STAT4: variants seen among roughly 807,000 people sequenced by gnomAD.
STAT4 encodes the protein signal transducer and activator of transcription 4.
STAT4 carries 42 observed loss-of-function variants against 110.5 expected under a neutral mutation model. The ratio of observed to expected loss-of-function variants is 0.38; its 90% CI spans 0.30 to 0.49. The LOEUF is 0.49. Among genes scored for constraint, STAT4 ranks in the 20% least tolerant of loss-of-function variants. The pLI is 0.95. For synonymous variants in STAT4, 284 were observed against 302.2 expected (o/e 0.94, Z 0.63); for missense variants, 632 against 887.9 (o/e 0.71, Z 3.66).
rs1697641027 is a variant in STAT4, at chr2:191,086,540, A to G, written c.274-10215T>C. Among the ~76,000 whole-genome samples, 1 of 152,190 alleles carries G rather than the reference A, an allele frequency of 6.6e-6. No homozygotes were observed. The highest frequency in any genetic ancestry group is 2.4e-5 in the African/African-American group (1 of 41,448). On this transcript the variant is annotated intron_variant, in intron 3 of 23. Transcript: ENST00000392320. This position sits in a 1 kb window ranked among gnomAD's most constrained non-coding sequence, Gnocchi z 5.5. ...TTAAACTAAAACTTACTGTGCAAAT[A>G]AATTACTCCTGCTATGATGTTGTCT...
Position 191,030,876 on chromosome 2 carries a change from C to T in STAT4, c.2220+96G>A. 8.9e-7 allele frequency: 1 copy of T among 1,121,352 alleles called. No individual in the cohort carries two copies. The highest frequency in any genetic ancestry group is 1.3e-6 in the Non-Finnish European group (1 of 747,474). The allele number at this position is 1,121,352 out of a possible 1,614,324, so 69.5% of individuals were successfully genotyped here. ...TTTGTTCCAATAAATGTGTTTTCTC[C>T]CTACCCAGGCAGTATTTCAGCCCCT... is the stretch of plus-strand genomic sequence containing the variant. On this transcript the variant is annotated intron_variant, in intron 23 of 23. Transcript: ENST00000392320. This position sits in a 1 kb window ranked among gnomAD's most constrained non-coding sequence, Gnocchi z 4.4.
At chr2:191,125,286 C>T (rs550300954) in intron 3 of STAT4, among the ~76,000 whole-genome samples, 42 of 152,036 alleles carry the variant, frequency 2.8e-4, no homozygotes, top group Non-Finnish European at 4.1e-4. Context: ...CAGGCATTTA[C>T]GAGGTTCTCA....
chr2:191,074,582 C>A (rs1032054934), intron 4 of STAT4, among the ~76,000 whole-genome samples: 1 of 152,092 alleles, frequency 6.6e-6, no homozygotes, highest in Non-Finnish European at 1.5e-5. Context: ...CTCTCTCACA[C>A]ACACACGTGC....
rs774960386 is a variant in STAT4, at chr2:191,083,515, G to T, written c.274-7190C>A. Among the ~76,000 whole-genome samples the T allele has an allele frequency of 1.3e-5, 2 of 152,166 alleles. No individual in the cohort carries two copies. Among genetic ancestry groups the T allele is most frequent in the Non-Finnish European group, 2.9e-5 (2 of 68,026 alleles). On this transcript the variant is annotated intron_variant, in intron 3 of 23. Transcript: ENST00000392320. The surrounding 1 kb of genome is among the most constrained non-coding windows in gnomAD (Gnocchi z 4.6). Reference sequence around the variant, plus strand: ...AGCTCTTCTCCTAACCCCAATTTGAGAACTTTTTGACTTCTCATTTTTTTA... The same window carrying T: ...AGCTCTTCTCCTAACCCCAATTTGATAACTTTTTGACTTCTCATTTTTTTA...
At chr2:191,134,621 A>G (rs1699128912) in intron 3 of STAT4, among the ~76,000 whole-genome samples, 1 of 152,206 alleles carries the variant, frequency 6.6e-6, no homozygotes, top group Non-Finnish European at 1.5e-5. Context: ...CAGAGACTAC[A>G]CTACTGTACA....
In STAT4 at chr2:191,113,559, A is replaced by G. The variant is rs955141511; in HGVS notation, c.273+33054T>C. Among the ~76,000 whole-genome samples, 1 of 152,238 alleles carries G rather than the reference A, an allele frequency of 6.6e-6. No homozygotes were observed. Among genetic ancestry groups the G allele is most frequent in the African/African-American group, 2.4e-5 (1 of 41,468 alleles). ...AGGCTGAATTGGTTTAAGAGATTCA[A>G]GGAAACTTTTGGCTTCACAGGGAGA... On this transcript the variant is annotated intron_variant, in intron 3 of 23. Transcript: ENST00000392320. The surrounding 1 kb of genome is among the most constrained non-coding windows in gnomAD (Gnocchi z 4.8).
At chr2:191,048,382 A>AC (rs1209957497) in intron 14 of STAT4, among the ~76,000 whole-genome samples, 3 of 152,196 alleles carry the variant, frequency 2.0e-5, no homozygotes, top group Admixed American at 2.0e-4. Context: ...TGACTGTCAT[A>AC]GTCTTCATTA....
At position 191,034,591 on chromosome 2, in the gene STAT4, G is replaced by T. The variant is rs1259577677; in HGVS notation, c.1577C>A (p.Ser526Tyr). ...HMLAEKLTVQSSYSDGHLTWA... is the reference protein window; with the variant it reads ...HMLAEKLTVQYSYSDGHLTWA... Reference sequence around the variant, plus strand: ...GGTGAGGTGACCATCACTGTAGCTAGATTGGACTGAAATGAAAGAAAAGAA... The same window carrying T: ...GGTGAGGTGACCATCACTGTAGCTATATTGGACTGAAATGAAAGAAAAGAA... Residue 526 changes from serine to tyrosine, a missense_variant, in exon 18 of 24, where the codon TCT becomes TAT. Around this residue, in one of 4 missense-constraint regions of STAT4, gnomAD observed 488 missense variants for 632.8 expected, o/e 0.77. Transcript: ENST00000392320. The T allele has an allele frequency of 6.2e-7, 1 of 1,612,654 alleles. No individual in the cohort carries two copies. The highest frequency in any genetic ancestry group is 8.5e-7 in the Non-Finnish European group (1 of 1,178,722).
rs961402538 is a variant in STAT4, at chr2:191,032,063, A to G, written c.2045-547T>C. 1 of 152,132 alleles carries G rather than the reference A, an allele frequency of 6.6e-6. No homozygotes were observed. Among genetic ancestry groups the G allele is most frequent in the African/African-American group, 2.4e-5 (1 of 41,402 alleles). The allele number at this position is 152,132 out of a possible 1,614,324, so 9.4% of individuals were successfully genotyped here. A position where few individuals can be genotyped will look rare whatever the true frequency, so the allele number is the denominator to read the frequency against. ...GTATTTGTTCCAATTTTCCAACCCT[A>G]ATTTGTTGCATTGATATTTGTTATT... On this transcript the variant is annotated intron_variant, in intron 21 of 23. Coordinates refer to ENST00000392320, the MANE Select transcript of STAT4 (RefSeq NM_003151.4). This position sits in a 1 kb window ranked among gnomAD's most constrained non-coding sequence, Gnocchi z 4.9.
Position 191,058,243 on chromosome 2 carries a change from A to G in STAT4, c.1095-24T>C, listed in dbSNP as rs781623558. ...TCCTGTAAAACCAAGAAGATTCTTT[A>G]AAACAAGCTATTTAATAGATCTAGG... On this transcript the variant is annotated intron_variant, in intron 11 of 23. Coordinates refer to ENST00000392320, the MANE Select transcript of STAT4 (RefSeq NM_003151.4). The surrounding 1 kb of genome is among the most constrained non-coding windows in gnomAD (Gnocchi z 4.3). 1.3e-6 allele frequency: 2 copies of G among 1,599,894 alleles called. No individual in the cohort carries two copies. The highest frequency in any genetic ancestry group is 1.3e-5 in the African/African-American group (1 of 74,510).
chr2:191,137,496 G>GA (rs777255444), intron 3 of STAT4, among the ~76,000 whole-genome samples: 1 of 151,642 alleles, frequency 6.6e-6, no homozygotes, highest in Non-Finnish European at 1.5e-5. Flanking sequence ...CACAGAAATA[G>GA]AAAAAACAAA....
Position 191,043,889 on chromosome 2 carries a change from A to T in STAT4, c.1252-2741T>A, listed in dbSNP as rs1034128559. On this transcript the variant is annotated intron_variant, in intron 14 of 23. Coordinates refer to ENST00000392320, the MANE Select transcript of STAT4 (RefSeq NM_003151.4). This position sits in a 1 kb window ranked among gnomAD's most constrained non-coding sequence, Gnocchi z 4.8. ...CATTTATGTAAAATCTAAATTTATA[A>T]TACAGAATAATATAAAGTATATAGA... is the stretch of plus-strand genomic sequence containing the variant. Among the ~76,000 whole-genome samples the T allele has an allele frequency of 4.6e-5, 7 of 152,178 alleles. No homozygotes were observed. The highest frequency in any genetic ancestry group is 1.7e-4 in the African/African-American group (7 of 41,448).
chr2:191,129,258 T>C (rs1160781540), intron 3 of STAT4, among the ~76,000 whole-genome samples: 1 of 152,034 alleles, frequency 6.6e-6, no homozygotes, highest in East Asian at 1.9e-4. Context: ...TAAAAAATAG[T>C]AAATGGGTCA....
rs1695934887 is a variant in STAT4 at position 191,032,741 on chromosome 2, G to A, written c.2044+217C>T. ...ATGGCCATGGTGAAGTTTAGTTACA[G>A]CTGCTTATTACTCGCTAGTGTTAGA... On this transcript the variant is annotated intron_variant, in intron 21 of 23. Coordinates refer to ENST00000392320, the MANE Select transcript of STAT4 (RefSeq NM_003151.4). This position sits in a 1 kb window ranked among gnomAD's most constrained non-coding sequence, Gnocchi z 4.9. 5.8e-6 allele frequency: 3 copies of A among 516,036 alleles called. No individual in the cohort carries two copies. The highest frequency in any genetic ancestry group is 1.0e-5 in the Non-Finnish European group (3 of 297,296). 32.0% of individuals were successfully genotyped at this position (516,036 alleles called of 1,614,324 possible). A position where few individuals can be genotyped will look rare whatever the true frequency, so the allele number is the denominator to read the frequency against.
In STAT4 at chr2:191,146,729, C is replaced by A; in HGVS notation, c.157G>T (p.Ala53Ser). The A allele has an allele frequency of 6.4e-7, 1 of 1,569,296 alleles. No individual in the cohort carries two copies. The highest frequency in any genetic ancestry group is 2.3e-5 in the East Asian group (1 of 43,630). The change falls in exon 3 of 24, where the codon GCA becomes TCA. Residue 53 changes from alanine to serine, a missense_variant. Coordinates refer to ENST00000392320, the MANE Select transcript of STAT4 (RefSeq NM_003151.4). The surrounding 1 kb of genome is among the most constrained non-coding windows in gnomAD (Gnocchi z 4.5). ...AACAAGTTTTGAAGAAGAATCGTTGCCATGGTTTCATTGTTAGAAGCTGCC... is the reference window on the plus strand; with the variant it reads ...AACAAGTTTTGAAGAAGAATCGTTGACATGGTTTCATTGTTAGAAGCTGCC... ...WEAASNNETMATILLQNLLIQ... is the reference protein window; with the variant it reads ...WEAASNNETMSTILLQNLLIQ...
chr2:191,114,863 A>G (rs1247032182), intron 3 of STAT4, among the ~76,000 whole-genome samples: 4 of 152,196 alleles, frequency 2.6e-5, no homozygotes. Flanking sequence ...TTGTTGAAGC[A>G]GTGGGAAGGT....
chr2:191,038,718 T>C (rs1040557365), intron 16 of STAT4, among the ~76,000 whole-genome samples: 5 of 152,240 alleles, frequency 3.3e-5, no homozygotes, highest in Non-Finnish European at 5.9e-5. Context: ...AGCTTGAGCC[T>C]AGGATGGATG....
At chr2:191,121,784 A>G (rs1425966946) in intron 3 of STAT4, among the ~76,000 whole-genome samples, 425 of 39,640 alleles carry the variant, frequency 0.011, no homozygotes, top group African/African-American at 0.037. Flanking sequence ...GGTGGGGGGA[A>G]GGGGGAGGGG....
At chr2:191,076,138 G>A in intron 4 of STAT4, 89 bp downstream of exon 4, 1 of 1,066,692 alleles carries the variant, frequency 9.4e-7, no homozygotes. Context: ...ACAGGTGTGA[G>A]CCACTGTACC....
Sources: allele counts gnomAD v4.1 joint callset (sites outside exome capture counted in the v4.1 genomes callset), GRCh38; gene constraint gnomAD v4.1.1; regional missense constraint gnomAD v4.1.1; non-coding constraint Gnocchi (gnomAD v3.1); transcripts MANE v1.5; gene names NCBI Gene and HGNC (gene_info 2026-07-23, HGNC 2026-07-21).